Variants in MCC observed in about 807,000 individuals in gnomAD.
MCC encodes the protein MCC regulator of Wnt signaling pathway.
A neutral mutation model predicts 116.2 loss-of-function variants in MCC; 90 were observed. The observed-to-expected ratio is 0.77, with a 90% CI of 0.65 to 0.92. MCC has a LOEUF of 0.92. Among genes scored for constraint, MCC ranks in the 40% least tolerant of loss-of-function variants. The probability of loss-of-function intolerance (pLI) is 0.00; values close to 1 mark genes in which losing one functional copy is unlikely to be tolerated. For missense variants in MCC, 1,516 were observed against 1,312.2 expected (o/e 1.16, Z -2.40); for synonymous variants, 578 against 510.5 (o/e 1.13, Z -1.78).
intron 1 of MCC, among the ~76,000 whole-genome samples, chr5:113,419,554 A>G (rs191087750): frequency 4.7e-4 from 71 of 152,118 alleles, no homozygotes; most frequent in African/African-American, 1.4e-3. Flanking sequence ...CAGTAAATAT[A>G]TTAAAAACCA....
intron 17 of MCC, among the ~76,000 whole-genome samples, chr5:113,032,162 G>A (rs1202469046): frequency 6.6e-6 from 1 of 152,220 alleles, no homozygotes; most frequent in Admixed American, 6.5e-5. Context: ...TGTAATCCCA[G>A]CACTTTGGTA....
chr5:113,054,009 A>G (rs754391487), intron 14 of MCC, 50 bp from the exon 15 acceptor site: 2 of 1,322,138 alleles, frequency 1.5e-6, no homozygotes, highest in South Asian at 1.2e-5. Flanking sequence ...ATTCCAAGTC[A>G]TGGCAAATAG....
chr5:113,104,384 A>C, intron 6 of MCC, 29 bp from the exon 7 acceptor site: 1 of 1,571,136 alleles, frequency 6.4e-7, no homozygotes, highest in Non-Finnish European at 8.7e-7. Flanking sequence ...AAAATGCGTT[A>C]CACAGGGCAA....
chr5:113,263,462 A>G (rs1765288856), intron 3 of MCC, among the ~76,000 whole-genome samples: 1 of 152,206 alleles, frequency 6.6e-6, no homozygotes, highest in African/African-American at 2.4e-5. Flanking sequence ...GAAGAGTTCA[A>G]TGTAACAAAC....
intron 2 of MCC, among the ~76,000 whole-genome samples, chr5:113,356,196 G>A (rs900025359): frequency 7.3e-5 from 11 of 151,286 alleles, no homozygotes; most frequent in Non-Finnish European, 1.6e-4. Context: ...TCAGCCTCTC[G>A]AGTAGCCTGG....
At chr5:113,053,678 T>C (rs775419809) in intron 15 of MCC, 47 bp downstream of exon 15, 11 of 1,418,326 alleles carry the variant, frequency 7.8e-6, no homozygotes, top group Middle Eastern at 1.8e-4. Context: ...GTTGTTTAGA[T>C]TTCCTCCTGG....
chr5:113,055,147 G>A (rs1473399884), intron 14 of MCC, among the ~76,000 whole-genome samples: 1 of 152,224 alleles, frequency 6.6e-6, no homozygotes, highest in African/African-American at 2.4e-5. Context: ...GAAGCTCAGA[G>A]ACATCAAGTG....
At chr5:113,119,369 G>C (rs1277990328) in intron 6 of MCC, among the ~76,000 whole-genome samples, 1 of 152,188 alleles carries the variant, frequency 6.6e-6, no homozygotes, top group African/African-American at 2.4e-5. Context: ...GACTCTAGAG[G>C]GGAGGGCGGG....
intron 3 of MCC, among the ~76,000 whole-genome samples, chr5:113,220,987 G>A (rs1763531165): frequency 6.6e-6 from 1 of 152,128 alleles, no homozygotes; most frequent in Non-Finnish European, 1.5e-5. Flanking sequence ...TGGATTGCTT[G>A]AGCCCAGGAG....
At chr5:113,463,046 T>A (rs967077033) in intron 1 of MCC, among the ~76,000 whole-genome samples, 1 of 152,104 alleles carries the variant, frequency 6.6e-6, no homozygotes, top group African/African-American at 2.4e-5. Flanking sequence ...GCTGAAAAAG[T>A]GTCCCCTGAG....
At chr5:113,101,458 C>T (rs1756403581) in intron 8 of MCC, 1 of 420,236 alleles carries the variant, frequency 2.4e-6, no homozygotes, top group East Asian at 4.4e-5. Context: ...AAAAGATGTG[C>T]TTACCCTGGA....
intron 3 of MCC, among the ~76,000 whole-genome samples, chr5:113,326,413 A>G (rs2150373098): frequency 6.6e-6 from 1 of 152,322 alleles, no homozygotes; most frequent in East Asian, 1.9e-4. Flanking sequence ...CAAGGTGCCA[A>G]GATCTTCCAG....
At chr5:113,383,386 A>AT (rs1769172384) in intron 2 of MCC, among the ~76,000 whole-genome samples, 1 of 152,220 alleles carries the variant, frequency 6.6e-6, no homozygotes, top group African/African-American at 2.4e-5. Flanking sequence ...CTGAGTGTCT[A>AT]TTTTGTGTCA....
chr5:113,483,508 A>T (rs1772433135), intron 1 of MCC, among the ~76,000 whole-genome samples: 1 of 152,230 alleles, frequency 6.6e-6, no homozygotes, highest in Admixed American at 6.5e-5. Flanking sequence ...TTATGGGATT[A>T]GAGATCATTT....
intron 17 of MCC, among the ~76,000 whole-genome samples, chr5:113,033,302 C>A (rs572641148): frequency 6.6e-6 from 1 of 152,328 alleles, no homozygotes; most frequent in African/African-American, 2.4e-5. Flanking sequence ...AGTTCCTCAC[C>A]TGGACCTGAG....
chr5:113,148,851 G>C (rs1341030218), intron 4 of MCC, among the ~76,000 whole-genome samples: 1 of 152,136 alleles, frequency 6.6e-6, no homozygotes, highest in East Asian at 1.9e-4. Flanking sequence ...GTCAATAAAT[G>C]GTTCTATGAT....
At chr5:113,464,569 C>A (rs1405717394) in intron 1 of MCC, among the ~76,000 whole-genome samples, 1 of 151,468 alleles carries the variant, frequency 6.6e-6, no homozygotes, top group Admixed American at 6.6e-5. Flanking sequence ...CCCTTCCCTG[C>A]CTTTATTTGG....
chr5:113,434,244 A>T lies in MCC; in HGVS notation c.171-49032T>A. ...GTAGAGGATCACGCCTAGGCTCCAG[A>T]TGTCGTACACCTTGGGCTGGTAGGG... On this transcript the variant is annotated intron_variant, in intron 1 of 18. Coordinates refer to ENST00000408903, the MANE Select transcript of MCC (RefSeq NM_001085377.2). The surrounding 1 kb of genome is among the most constrained non-coding windows in gnomAD (Gnocchi z 4.2). 1 of 1,614,074 alleles carries T rather than the reference A, an allele frequency of 6.2e-7. No homozygotes were observed. The highest frequency in any genetic ancestry group is 1.6e-4 in the Middle Eastern group (1 of 6,062).
At chr5:113,163,212 G>A (rs1760590465) in intron 3 of MCC, among the ~76,000 whole-genome samples, 1 of 152,042 alleles carries the variant, frequency 6.6e-6, no homozygotes, top group Admixed American at 6.5e-5. Flanking sequence ...CCATAAAAAC[G>A]CATCTCAATA....
Sources: allele counts gnomAD v4.1 joint callset (sites outside exome capture counted in the v4.1 genomes callset), GRCh38; gene constraint gnomAD v4.1.1; non-coding constraint Gnocchi (gnomAD v3.1); transcripts MANE v1.5; gene names NCBI Gene and HGNC (gene_info 2026-07-23, HGNC 2026-07-21).